Variants in AMZ2 observed in about 807,000 individuals in gnomAD.
AMZ2 encodes archaelysin family metallopeptidase 2, also known as archaemetzincin-2.
A neutral mutation model predicts 36.7 loss-of-function variants in AMZ2; 26 were observed. The ratio of observed to expected loss-of-function variants is 0.71; its 90% CI spans 0.52 to 0.98. The LOEUF (loss-of-function observed/expected upper bound fraction) is 0.98. AMZ2 is among the 50% of genes least tolerant of loss of function. The probability of loss-of-function intolerance (pLI) is 0.00; values close to 1 mark genes in which losing one functional copy is unlikely to be tolerated. For missense variants in AMZ2, 394 were observed against 430.5 expected, an observed-to-expected ratio of 0.92 and a Z score of 0.75; for synonymous variants, 144 against 149.1, an observed-to-expected ratio of 0.97 and a Z score of 0.25.
chr17:68,250,619 A>G, intron 2 of AMZ2, 149 bp downstream of exon 2: 1 of 1,241,700 alleles, frequency 8.1e-7, no homozygotes. Flanking sequence ...AGCCAAACTG[A>G]CTTAAAAGAT....
intron 1 of AMZ2, among the ~76,000 whole-genome samples, chr17:68,213,930 G>A (rs1191692810): frequency 6.6e-6 from 1 of 151,386 alleles, no homozygotes; most frequent in Non-Finnish European, 1.5e-5. Flanking sequence ...TATTATCTAA[G>A]AGCTCTTTTG....
rs189493327 is a variant in AMZ2, at chr17:68,211,351, A to C, written c.-67+5113A>C. On this transcript the variant is annotated intron_variant, in intron 1 of 7. Coordinates refer to the AMZ2 transcript ENST00000674770. ...CCCCGTTTCTACTAAAAATGCAAAA[A>C]AATTAGCTGGGCGTGGTGGCGGGCA... 3.9e-5 allele frequency among the ~76,000 whole-genome samples: 6 copies of C among 152,098 alleles called. No individual in the cohort carries two copies. In the East Asian group the frequency reaches 9.7e-4, roughly 24 times the overall value.
At chr17:68,227,239 C>T (rs2073538686) in intron 1 of AMZ2, among the ~76,000 whole-genome samples, 4 of 152,124 alleles carry the variant, frequency 2.6e-5, no homozygotes, top group South Asian at 2.1e-4. Flanking sequence ...TCTGACCTCT[C>T]GACACCTGGT....
Position 68,250,790 on chromosome 17 carries a change from G to T in AMZ2, c.284-4G>T. The T allele has an allele frequency of 6.4e-7, 1 of 1,565,304 alleles. No homozygotes were observed. The highest frequency in any genetic ancestry group is 8.6e-7 in the Non-Finnish European group (1 of 1,162,938). On this transcript the variant is annotated splice_polypyrimidine_tract_variant and splice_region_variant and intron_variant, in intron 2 of 6. Coordinates refer to ENST00000359904, the MANE Select transcript of AMZ2 (RefSeq NM_016627.5). Reference sequence around the variant, plus strand: ...CTGTTTTTAAATGTTCTTCCATATTGTAGGCTCTCTAGGAAACACCAGAAT... The same window carrying T: ...CTGTTTTTAAATGTTCTTCCATATTTTAGGCTCTCTAGGAAACACCAGAAT...
rs765854311 is a variant in AMZ2, at chr17:68,235,312, A to C, written c.-66-13328A>C. ...TATTGGGCACCTTCTGGTAATAAAC[A>C]GTTGAAAGGAGCTGTTCCCATGTCT... is the stretch of plus-strand genomic sequence containing the variant. On this transcript the variant is annotated intron_variant, in intron 1 of 7. Transcript: ENST00000674770. This position sits in a 1 kb window ranked among gnomAD's most constrained non-coding sequence, Gnocchi z 4.2. Among the ~76,000 whole-genome samples the C allele has an allele frequency of 4.6e-5, 7 of 152,224 alleles. No individual in the cohort carries two copies. Among genetic ancestry groups the C allele is most frequent in the Admixed American group, 6.5e-5 (1 of 15,284 alleles).
At chr17:68,227,263 G>A (rs1322478702) in intron 1 of AMZ2, among the ~76,000 whole-genome samples, 2 of 152,164 alleles carry the variant, frequency 1.3e-5, no homozygotes, top group African/African-American at 4.8e-5. Context: ...CCTCCTCTGG[G>A]AAGTGGGGAT....
At chr17:68,242,968 C>T (rs2073932443), upstream of AMZ2, among the ~76,000 whole-genome samples, 1 of 147,728 alleles carries the variant, frequency 6.8e-6, no homozygotes, top group South Asian at 2.1e-4. Flanking sequence ...CACCTGATCC[C>T]AAGAGGTCCA....
At chr17:68,207,934 G>A (rs1261237502) in intron 1 of AMZ2, among the ~76,000 whole-genome samples, 4 of 151,974 alleles carry the variant, frequency 2.6e-5, no homozygotes, top group African/African-American at 9.7e-5. Flanking sequence ...TGTGGGCTCG[G>A]TGGGCACGCA....
At chr17:68,230,566 C>T (rs536259650) in intron 1 of AMZ2, among the ~76,000 whole-genome samples, 26 of 152,252 alleles carry the variant, frequency 1.7e-4, no homozygotes, top group South Asian at 6.2e-4. Flanking sequence ...GATGACTACA[C>T]ATGTCCTATC....
chr17:68,222,771 T>C (rs1555728894), intron 1 of AMZ2, among the ~76,000 whole-genome samples: 1 of 152,138 alleles, frequency 6.6e-6, no homozygotes, highest in Non-Finnish European at 1.5e-5. Context: ...GAGGCGGAGC[T>C]CATGGTAATG....
rs1335664578 is a variant in AMZ2, at chr17:68,248,573, G to A, written c.-133G>A. On this transcript the variant is annotated 5_prime_UTR_variant, in exon 1 of 7. Transcript: ENST00000359904. ...GATTAGGCTTGGGAGGCAAGAGGAG[G>A]CCTCCTGACCTTTCACACTGCCTTT... 2.0e-6 allele frequency: 2 copies of A among 986,008 alleles called. No individual in the cohort carries two copies. Among genetic ancestry groups the A allele is most frequent in the Non-Finnish European group, 2.4e-6 (2 of 830,020 alleles). 61.1% of individuals were successfully genotyped at this position (986,008 alleles called of 1,614,324 possible). A position where few individuals can be genotyped will look rare whatever the true frequency, so the allele number is the denominator to read the frequency against.
chr17:68,240,179 T>A (rs1343555141), intron 1 of AMZ2, among the ~76,000 whole-genome samples: 1 of 152,060 alleles, frequency 6.6e-6, no homozygotes, highest in African/African-American at 2.4e-5. Flanking sequence ...GCAGAAGGGG[T>A]GAGCTGACTC....
chr17:68,218,121 G>T (rs1341846270), intron 1 of AMZ2, among the ~76,000 whole-genome samples: 1 of 151,840 alleles, frequency 6.6e-6, no homozygotes, highest in African/African-American at 2.4e-5. Context: ...CAAAAAAAAG[G>T]TTCTTATACA....
intron 1 of AMZ2, among the ~76,000 whole-genome samples, chr17:68,230,315 C>A (rs1428892511): frequency 2.0e-5 from 3 of 152,192 alleles, no homozygotes; most frequent in Non-Finnish European, 4.4e-5. Context: ...CCCAGGTGAT[C>A]CACTCGCCTC....
chr17:68,247,930 C>T (rs2074107383), upstream of AMZ2: 1 of 985,564 alleles, frequency 1.0e-6, no homozygotes, highest in African/African-American at 1.7e-5. Flanking sequence ...GCCGCACGCT[C>T]AGGGGCGTGG....
chr17:68,232,803 C>T (rs2073697196), intron 1 of AMZ2, among the ~76,000 whole-genome samples: 1 of 152,000 alleles, frequency 6.6e-6, no homozygotes, highest in African/African-American at 2.4e-5. Context: ...GAGATTGCAC[C>T]ACTGCACTCC....
At chr17:68,252,710 G>T (rs1555740485) in intron 4 of AMZ2, among the ~76,000 whole-genome samples, 1 of 151,976 alleles carries the variant, frequency 6.6e-6, no homozygotes, top group Non-Finnish European at 1.5e-5. Flanking sequence ...TTTTTGGCCA[G>T]ATGGGATCTC....
chr17:68,247,954 T>G, upstream of AMZ2: 1 of 984,256 alleles, frequency 1.0e-6, no homozygotes, highest in South Asian at 4.7e-5. Context: ...GGGTGGGTCG[T>G]GAGTTGGGCG....
chr17:68,234,689 G>A (rs1359801440), intron 1 of AMZ2, among the ~76,000 whole-genome samples: 1 of 151,942 alleles, frequency 6.6e-6, no homozygotes, highest in African/African-American at 2.4e-5. Flanking sequence ...AGGAATGCTT[G>A]AGCCCAGAAG....
Sources: allele counts gnomAD v4.1 joint callset (sites outside exome capture counted in the v4.1 genomes callset), GRCh38; gene constraint gnomAD v4.1.1; non-coding constraint Gnocchi (gnomAD v3.1); transcripts MANE v1.5; gene names NCBI Gene and HGNC (gene_info 2026-07-23, HGNC 2026-07-21).